Variants in TMC2 observed in about 807,000 individuals in gnomAD.
The protein encoded by TMC2 is transmembrane channel-like protein 2.
A neutral mutation model predicts 105.9 loss-of-function variants in TMC2; 102 were observed. The observed-to-expected ratio is 0.96, with a 90% CI of 0.82 to 1.14. The LOEUF (loss-of-function observed/expected upper bound fraction) is 1.14, where lower values mean the gene tolerates loss of function less well. Ranked by LOEUF, TMC2 falls within the 50% of genes most tolerant of loss-of-function variation. The pLI, the probability that TMC2 is intolerant of heterozygous loss-of-function variation, is 0.00. For synonymous variants in TMC2, 402 were observed against 422.8 expected, an observed-to-expected ratio of 0.95 and a Z score of 0.60; for missense variants, 1,093 against 1,134.3, an observed-to-expected ratio of 0.96 and a Z score of 0.52.
intron 5 of TMC2, among the ~76,000 whole-genome samples, chr20:2,573,125 A>C (rs1418775722): frequency 6.6e-6 from 1 of 152,038 alleles, no homozygotes; most frequent in Non-Finnish European, 1.5e-5. Context: ...CCACACCCTG[A>C]TAAAACTTTG....
rs533172358 is a variant in TMC2, at chr20:2,579,870, C to T, written c.728-80C>T. 59 of 791,632 alleles carry T rather than the reference C, an allele frequency of 7.5e-5. No homozygotes were observed. In the African/African-American group the frequency reaches 9.3e-4, roughly 12 times the overall value. 49.0% of individuals were successfully genotyped at this position (791,632 alleles called of 1,614,324 possible). ...CAACAGACTGATGTGAAAATTGAAT[C>T]CACCACACACATAAAGTGCTCAATA... On this transcript the variant is annotated intron_variant, in intron 6 of 19. Coordinates refer to ENST00000358864, the MANE Select transcript of TMC2 (RefSeq NM_080751.3).
intron 9 of TMC2, 23 bp from the exon 10 acceptor site, chr20:2,597,128 C>A (rs752966197): frequency 6.2e-7 from 1 of 1,611,972 alleles, no homozygotes; most frequent in East Asian, 2.2e-5. Flanking sequence ...GCAGACGTCA[C>A]AACAGTGCTG....
At chr20:2,549,905 G>A (rs1264721134) in intron 2 of TMC2, among the ~76,000 whole-genome samples, 2 of 152,022 alleles carry the variant, frequency 1.3e-5, no homozygotes, top group African/African-American at 2.4e-5. Flanking sequence ...AGTTTTGGCT[G>A]TGTGCAGTGG....
intron 16 of TMC2, chr20:2,618,257 A>C (rs1211350564): frequency 6.5e-6 from 1 of 152,708 alleles, no homozygotes; most frequent in South Asian, 2.1e-4. Context: ...GAGTAAGAAA[A>C]TGCAATATTT....
At chr20:2,624,482 C>T in intron 17 of TMC2, 86 bp downstream of exon 17, 1 of 1,477,054 alleles carries the variant, frequency 6.8e-7, no homozygotes, top group African/African-American at 1.4e-5. Flanking sequence ...TTCATCTTGC[C>T]TTCTTAGTCT....
chr20:2,602,953 A>G (rs921585880), intron 11 of TMC2, among the ~76,000 whole-genome samples: 10 of 152,216 alleles, frequency 6.6e-5, no homozygotes, highest in African/African-American at 1.9e-4. Context: ...TGGTCATGTG[A>G]CTTGGTTTAG....
rs376699284 is a variant in TMC2 at position 2,572,278 on chromosome 20, G to T, written c.645+9G>T. 6.2e-7 allele frequency: 1 copy of T among 1,606,034 alleles called. No homozygotes were observed. The highest frequency in any genetic ancestry group is 8.5e-7 in the Non-Finnish European group (1 of 1,173,204). The stretch of plus-strand genomic sequence containing the variant: ...AGATGCTGATGGCCAAGGTGTGTGG[G>T]GTGGGGGCAGTGAATCTGTTGGGAG... On this transcript the variant is annotated intron_variant, in intron 5 of 19. Coordinates refer to ENST00000358864, the MANE Select transcript of TMC2 (RefSeq NM_080751.3).
chr20:2,634,179 C>G (rs1378670640), intron 17 of TMC2, among the ~76,000 whole-genome samples: 1 of 152,164 alleles, frequency 6.6e-6, no homozygotes, highest in Non-Finnish European at 1.5e-5. Flanking sequence ...AAGCCGGCCT[C>G]CCCCAACGCT....
intron 3 of TMC2, among the ~76,000 whole-genome samples, chr20:2,559,010 C>A (rs536313155): frequency 6.6e-6 from 1 of 152,244 alleles, no homozygotes; most frequent in South Asian, 2.1e-4. Flanking sequence ...GCGGGCTCTC[C>A]ACTCCAGCGC....
chr20:2,606,884 C>CTTTTTT lies in TMC2; in HGVS notation c.1414-3534_1414-3529dup, dbSNP rs1276064402. On this transcript the variant is annotated intron_variant, in intron 11 of 19. Transcript: ENST00000358864. ...TTTTAATATAGTTTTCCCTTAATTTCTTTTTTCTTTTTTTTTTTTTTTTTT... is the reference window on the plus strand; with the variant it reads ...TTTTAATATAGTTTTCCCTTAATTTCTTTTTTTTTTTTCTTTTTTTTTTTTTTTTTT... Among the ~76,000 whole-genome samples, 11 of 88,244 alleles carry CTTTTTT rather than the reference C, an allele frequency of 1.2e-4. 1 individual carries two copies. The highest frequency in any genetic ancestry group is 6.0e-4 in the African/African-American group (10 of 16,636). The allele number at this position is 88,244 out of a possible 152,430, so 57.9% of individuals were successfully genotyped here.
chr20:2,543,371 T>G (rs1465868665), intron 2 of TMC2, among the ~76,000 whole-genome samples: 1 of 152,216 alleles, frequency 6.6e-6, no homozygotes, highest in Non-Finnish European at 1.5e-5. Flanking sequence ...GGCAGTATCT[T>G]ACAGAGGGGA....
intron 4 of TMC2, among the ~76,000 whole-genome samples, chr20:2,566,157 C>T (rs1484677696): frequency 5.3e-5 from 8 of 152,212 alleles, no homozygotes; most frequent in Admixed American, 1.3e-4. Flanking sequence ...CCCAATCCCT[C>T]TCAGGGTCAC....
chr20:2,536,768 TC>T, intron 1 of TMC2, 113 bp downstream of exon 1: 2 of 1,203,664 alleles, frequency 1.7e-6, no homozygotes, highest in Non-Finnish European at 2.4e-6. Flanking sequence ...TGGGTTTGAG[TC>T]CAGGGCCTGT....
At chr20:2,556,322 A>C (rs1423649405) in intron 2 of TMC2, among the ~76,000 whole-genome samples, 1 of 151,900 alleles carries the variant, frequency 6.6e-6, no homozygotes, top group Admixed American at 6.6e-5. Flanking sequence ...TTCATGATCC[A>C]CCCACCTCAG....
intron 7 of TMC2, among the ~76,000 whole-genome samples, chr20:2,581,065 G>T (rs1021431775): frequency 2.0e-5 from 3 of 152,140 alleles, no homozygotes; most frequent in African/African-American, 7.2e-5. Flanking sequence ...TTCCTCACAG[G>T]TGTATTAATT....
intron 10 of TMC2, among the ~76,000 whole-genome samples, chr20:2,597,897 A>C (rs536203074): frequency 1.3e-5 from 2 of 152,154 alleles, no homozygotes; most frequent in Non-Finnish European, 2.9e-5. Context: ...GGAAGGACTC[A>C]TTTGGGGAAA....
intron 5 of TMC2, among the ~76,000 whole-genome samples, chr20:2,573,584 G>A (rs548286422): frequency 1.7e-4 from 21 of 122,912 alleles, no homozygotes; most frequent in Non-Finnish European, 2.4e-4. Flanking sequence ...TTTTTGAGAC[G>A]GAGTCTCACT....
chr20:2,553,510 G>A (rs570413869), intron 2 of TMC2, among the ~76,000 whole-genome samples: 3 of 151,570 alleles, frequency 2.0e-5, no homozygotes, highest in Admixed American at 6.6e-5. Flanking sequence ...AAGGATTTTT[G>A]TATCTATGTT....
At chr20:2,583,382 G>A (rs1185557291) in intron 7 of TMC2, among the ~76,000 whole-genome samples, 1 of 152,142 alleles carries the variant, frequency 6.6e-6, no homozygotes, top group Non-Finnish European at 1.5e-5. Flanking sequence ...ACCTGGCAAG[G>A]AACTGAGTGT....
Sources: allele counts gnomAD v4.1 joint callset (sites outside exome capture counted in the v4.1 genomes callset), GRCh38; gene constraint gnomAD v4.1.1; transcripts MANE v1.5; gene names NCBI Gene and HGNC (gene_info 2026-07-23, HGNC 2026-07-21).